The following NEMF variants were observed in gnomAD, a reference collection of about 807,000 sequenced individuals.
NEMF encodes the protein nuclear export mediator factor.
A neutral mutation model predicts 162.2 loss-of-function variants in NEMF; 89 were observed. The observed-to-expected ratio is 0.55, with a 90% CI of 0.46 to 0.65. NEMF has a LOEUF of 0.65. Among genes scored for constraint, NEMF ranks in the 30% least tolerant of loss-of-function variants. The pLI is 0.00. For synonymous variants in NEMF, 421 were observed against 404.5 expected (o/e 1.04, Z -0.49); for missense variants, 1,133 against 1,261.9 (o/e 0.90, Z 1.55).
chr14:49,852,262 C>G (rs1412740470), intron 1 of NEMF, among the ~76,000 whole-genome samples: 2 of 152,204 alleles, frequency 1.3e-5, no homozygotes, highest in African/African-American at 4.8e-5. Flanking sequence ...AGATCTCAGT[C>G]CAAATCTGCT....
rs1892679692 is a variant in NEMF, at chr14:49,832,278, C to A, written c.736-1G>T. On this transcript the variant is annotated splice_acceptor_variant, in intron 8 of 32. Transcript: ENST00000298310. LOFTEE classifies it high-confidence loss of function. The stretch of plus-strand genomic sequence containing the variant: ...TTTCTCTTTTCTGAATGATATATCC[C>A]TACAAAAATGCAACATTAAAATCAT... 1 of 1,565,992 alleles carries A rather than the reference C, an allele frequency of 6.4e-7. No individual in the cohort carries two copies.
At chr14:49,787,751 G>C (rs113550233) in intron 28 of NEMF, among the ~76,000 whole-genome samples, 196 of 152,256 alleles carry the variant, frequency 1.3e-3, no homozygotes, top group African/African-American at 4.6e-3. Context: ...GTATTTGTGA[G>C]TCTAGGATTT....
chr14:49,803,171 C>G, intron 20 of NEMF, 66 bp downstream of exon 20: 2 of 1,138,706 alleles, frequency 1.8e-6, no homozygotes, highest in South Asian at 1.3e-5. Flanking sequence ...TATTTGTAAA[C>G]TGTCTCAAAC....
intron 16 of NEMF, among the ~76,000 whole-genome samples, chr14:49,822,969 C>A (rs1038217794): frequency 2.8e-5 from 4 of 144,192 alleles, no homozygotes; most frequent in African/African-American, 1.0e-4. Flanking sequence ...AAGAGTCTTG[C>A]TCTGTCACCC....
At chr14:49,819,384 T>C (rs552976914) in intron 16 of NEMF, among the ~76,000 whole-genome samples, 3,256 of 125,394 alleles carry the variant, frequency 0.026, 139 homozygotes, top group African/African-American at 0.091. Flanking sequence ...TAAAAACATA[T>C]TATAGACCAT....
At position 49,816,639 on chromosome 14, in the gene NEMF, A is replaced by G. The variant is rs189862980; in HGVS notation, c.1578-1782T>C. On this transcript the variant is annotated intron_variant, in intron 16 of 32. Coordinates refer to ENST00000298310, the MANE Select transcript of NEMF (RefSeq NM_004713.6). ...GCTGGCTGACACTTAAGGAAAATAG[A>G]AAGAACCTATGTTGAAATACTGGAG... 5.4e-4 allele frequency among the ~76,000 whole-genome samples: 82 copies of G among 152,354 alleles called. 1 individual carries two copies. The East Asian group carries it at 0.013, about 24-fold the overall frequency.
chr14:49,826,980 G>A (rs1002255686), intron 15 of NEMF, among the ~76,000 whole-genome samples: 1 of 152,182 alleles, frequency 6.6e-6, no homozygotes, highest in Admixed American at 6.5e-5. Context: ...CAAGGGCAAA[G>A]ACCCTGAGAG....
chr14:49,807,956 T>C (rs1031308918), intron 18 of NEMF, among the ~76,000 whole-genome samples: 1 of 152,096 alleles, frequency 6.6e-6, no homozygotes, highest in Non-Finnish European at 1.5e-5. Flanking sequence ...ATACTGAGAA[T>C]CGTTTCATGT....
At chr14:49,826,734 C>G (rs1487386470) in intron 15 of NEMF, among the ~76,000 whole-genome samples, 5 of 152,074 alleles carry the variant, frequency 3.3e-5, no homozygotes, top group African/African-American at 1.2e-4. Context: ...CACAAAGATT[C>G]TACTTTCATG....
chr14:49,826,220 T>C (rs1051102388), intron 15 of NEMF, among the ~76,000 whole-genome samples: 5 of 152,172 alleles, frequency 3.3e-5, no homozygotes, highest in East Asian at 1.9e-4. Context: ...ATAAATACCT[T>C]GTCATTTTCT....
chr14:49,805,329 T>C (rs572607986), intron 19 of NEMF, among the ~76,000 whole-genome samples: 39 of 152,016 alleles, frequency 2.6e-4, no homozygotes, highest in Non-Finnish European at 5.1e-4. Context: ...AAGAAATCAA[T>C]AGCAATGTGA....
At chr14:49,827,838 C>CT (rs1226609237) in intron 15 of NEMF, among the ~76,000 whole-genome samples, 28 of 150,358 alleles carry the variant, frequency 1.9e-4, no homozygotes, top group African/African-American at 6.1e-4. Context: ...GTCACAATGG[C>CT]TGCTATGTGG....
intron 6 of NEMF, among the ~76,000 whole-genome samples, chr14:49,835,786 T>G (rs181969802): frequency 6.6e-6 from 1 of 152,228 alleles, no homozygotes; most frequent in Non-Finnish European, 1.5e-5. Flanking sequence ...AAAACCCTAC[T>G]AGAATGAATA....
intron 3 of NEMF, among the ~76,000 whole-genome samples, chr14:49,847,479 C>T (rs984574692): frequency 6.6e-6 from 1 of 151,916 alleles, no homozygotes. Context: ...GTTAGGATTA[C>T]AGGCGTGAGC....
intron 17 of NEMF, 59 bp from the exon 18 acceptor site, chr14:49,814,109 T>C: frequency 9.3e-7 from 1 of 1,071,110 alleles, no homozygotes; most frequent in Non-Finnish European, 1.4e-6. Flanking sequence ...TTTTTCCTTT[T>C]TTTTTTTTCA....
intron 19 of NEMF, 125 bp downstream of exon 19, chr14:49,805,896 A>G: frequency 1.9e-6 from 1 of 514,686 alleles, no homozygotes; most frequent in African/African-American, 1.9e-5. Context: ...TTATGTACAT[A>G]TTTTCCTCTA....
chr14:49,790,859 G>C (rs1393931540), intron 26 of NEMF, among the ~76,000 whole-genome samples: 1 of 152,092 alleles, frequency 6.6e-6, no homozygotes, highest in Admixed American at 6.5e-5. Flanking sequence ...CAGGCGTGGT[G>C]GTGCATGCCT....
intron 25 of NEMF, among the ~76,000 whole-genome samples, chr14:49,797,736 G>A (rs1285914581): frequency 1.3e-5 from 2 of 152,172 alleles, no homozygotes; most frequent in Non-Finnish European, 2.9e-5. Flanking sequence ...CCTAGAACTA[G>A]TCTATGTAAT....
Position 49,802,444 on chromosome 14 carries a change from A to T in NEMF, c.2095+9T>A. ...ATCACAAGCTAATTTCTTAAAATCT[A>T]TAAACTACCTAATTGTTCCATTTCT... On this transcript the variant is annotated intron_variant, in intron 22 of 32. Coordinates refer to ENST00000298310, the MANE Select transcript of NEMF (RefSeq NM_004713.6). The T allele has an allele frequency of 6.2e-7, 1 of 1,610,930 alleles. No homozygotes were observed. Among genetic ancestry groups the T allele is most frequent in the Non-Finnish European group, 8.5e-7 (1 of 1,179,050 alleles).
Sources: allele counts gnomAD v4.1 joint callset (sites outside exome capture counted in the v4.1 genomes callset), GRCh38; gene constraint gnomAD v4.1.1; transcripts MANE v1.5; gene names NCBI Gene and HGNC (gene_info 2026-07-23, HGNC 2026-07-21).